SIK2: variants seen among roughly 807,000 people sequenced by gnomAD.
SIK2 encodes the protein serine/threonine-protein kinase SIK2.
In SIK2, 29 loss-of-function variants were observed where a neutral mutation model predicts 103.2. The ratio of observed to expected loss-of-function variants is 0.28; its 90% CI spans 0.21 to 0.38. SIK2 has a LOEUF of 0.38. SIK2 is among the 10% of genes least tolerant of loss of function. SIK2 has a pLI of 1.00. For missense variants in SIK2, 879 were observed against 1,171.0 expected (o/e 0.75, Z 3.64); for synonymous variants, 412 against 446.1 (o/e 0.92, Z 0.96).
chr11:111,679,590 G>A (rs763546003), intron 3 of SIK2, among the ~76,000 whole-genome samples: 19 of 152,070 alleles, frequency 1.2e-4, no homozygotes, highest in Admixed American at 2.0e-4. Context: ...ATTATAAATA[G>A]TATTATAACC....
Position 111,724,407 on chromosome 11 carries a change from C to A in SIK2, c.*278C>A. On this transcript the variant is annotated 3_prime_UTR_variant, in exon 15 of 15. Coordinates refer to ENST00000304987, the MANE Select transcript of SIK2 (RefSeq NM_015191.3). ...AGCAAGCTCTCGAGGGCAGCACTGA[C>A]AAATGTGTTCCTAAGAAGACATTCA... 2.2e-6 allele frequency: 1 copy of A among 457,506 alleles called. No individual in the cohort carries two copies. 28.3% of individuals were successfully genotyped at this position (457,506 alleles called of 1,614,324 possible).
intron 1 of SIK2, among the ~76,000 whole-genome samples, chr11:111,603,612 C>T (rs1941612642): frequency 1.3e-5 from 2 of 152,182 alleles, no homozygotes; most frequent in African/African-American, 4.8e-5. Flanking sequence ...GCCCCCCTTC[C>T]TTCCACTGCC....
chr11:111,634,681 A>G (rs1942082395), intron 3 of SIK2, among the ~76,000 whole-genome samples: 1 of 152,064 alleles, frequency 6.6e-6, no homozygotes, highest in Non-Finnish European at 1.5e-5. Flanking sequence ...GATTCTTGTC[A>G]TTTTTCTGCT....
intron 4 of SIK2, among the ~76,000 whole-genome samples, chr11:111,698,144 A>C (rs1222495440): frequency 3.3e-5 from 5 of 152,234 alleles, no homozygotes; most frequent in Non-Finnish European, 5.9e-5. Context: ...CCAAGTTTCT[A>C]TATTCATATT....
chr11:111,634,907 G>A (rs953508655), intron 3 of SIK2, among the ~76,000 whole-genome samples: 1 of 152,172 alleles, frequency 6.6e-6, no homozygotes, highest in African/African-American at 2.4e-5. Flanking sequence ...ATATTAAATT[G>A]GTGTGTACTT....
intron 1 of SIK2, among the ~76,000 whole-genome samples, chr11:111,605,044 C>A (rs1941631764): frequency 6.6e-6 from 1 of 150,842 alleles, no homozygotes; most frequent in Admixed American, 6.6e-5. Context: ...CTCACTGCAA[C>A]CTCTGCCTCC....
intron 3 of SIK2, among the ~76,000 whole-genome samples, chr11:111,635,578 G>A (rs1398088346): frequency 1.3e-5 from 2 of 152,286 alleles, no homozygotes; most frequent in East Asian, 1.9e-4. Flanking sequence ...TCTGTAAATC[G>A]AAGGAAATAA....
chr11:111,689,882 C>G (rs1942904073), intron 4 of SIK2, among the ~76,000 whole-genome samples: 1 of 151,652 alleles, frequency 6.6e-6, no homozygotes, highest in African/African-American at 2.4e-5. Flanking sequence ...AATGGATTTT[C>G]CATTCTATAG....
intron 3 of SIK2, among the ~76,000 whole-genome samples, chr11:111,657,835 T>G (rs933799195): frequency 1.3e-5 from 2 of 151,976 alleles, no homozygotes; most frequent in Admixed American, 1.3e-4. Context: ...GCAGTTCAGG[T>G]TGGCTAGAGC....
At chr11:111,691,526 C>T (rs950630790) in intron 4 of SIK2, among the ~76,000 whole-genome samples, 1 of 152,158 alleles carries the variant, frequency 6.6e-6, no homozygotes, top group Admixed American at 6.6e-5. Context: ...CAGTATCTGT[C>T]CTTCTCCCAC....
intron 3 of SIK2, among the ~76,000 whole-genome samples, chr11:111,627,006 G>A (rs1344822764): frequency 6.6e-6 from 1 of 152,152 alleles, no homozygotes; most frequent in African/African-American, 2.4e-5. Flanking sequence ...CCCAAGAAGG[G>A]TAAGGATAAG....
At chr11:111,681,272 C>T (rs888228403) in intron 3 of SIK2, among the ~76,000 whole-genome samples, 2 of 152,116 alleles carry the variant, frequency 1.3e-5, no homozygotes, top group African/African-American at 4.8e-5. Flanking sequence ...ATCTATGTAT[C>T]ATTTTTATTA....
intron 3 of SIK2, among the ~76,000 whole-genome samples, chr11:111,652,097 T>G (rs2135864357): frequency 6.6e-6 from 1 of 152,318 alleles, no homozygotes; most frequent in Middle Eastern, 3.4e-3. Context: ...TCAAAATTAT[T>G]GAGTATCCGC....
At position 111,730,462 on chromosome 11, in the gene SIK2, ATC is replaced by A. The variant is rs1944150099; in HGVS notation, c.*6335_*6336del. On this transcript the variant is annotated 3_prime_UTR_variant, in exon 15 of 15. Transcript: ENST00000304987. ...TGAGAAATAAAAGGGATACAGAGAT[ATC>A]TGCACTTTGTAGAAAGGGCAAGATT... 2.0e-5 allele frequency: 3 copies of A among 152,378 alleles called. No individual in the cohort carries two copies. In the South Asian group the frequency reaches 6.2e-4, roughly 32 times the overall value. The allele number at this position is 152,378 out of a possible 1,614,324, so 9.4% of individuals were successfully genotyped here. A position where few individuals can be genotyped will look rare whatever the true frequency, so the allele number is the denominator to read the frequency against.
At chr11:111,719,475 A>G (rs1241396120) in intron 9 of SIK2, among the ~76,000 whole-genome samples, 2 of 151,292 alleles carry the variant, frequency 1.3e-5, no homozygotes, top group Non-Finnish European at 1.5e-5. Context: ...CCTCAAACTA[A>G]TATACCCCTG....
intron 3 of SIK2, among the ~76,000 whole-genome samples, chr11:111,629,888 G>C (rs1942014688): frequency 6.6e-6 from 1 of 152,180 alleles, no homozygotes; most frequent in Admixed American, 6.5e-5. Flanking sequence ...GGTACAACCA[G>C]TTGGGAGAAC....
chr11:111,714,404 A>T (rs1218493764), intron 9 of SIK2, among the ~76,000 whole-genome samples: 1 of 152,208 alleles, frequency 6.6e-6, no homozygotes, highest in Non-Finnish European at 1.5e-5. Flanking sequence ...ACTGCTGAAG[A>T]TATTTGAGCA....
intron 3 of SIK2, among the ~76,000 whole-genome samples, chr11:111,628,249 C>G (rs1322798417): frequency 6.6e-6 from 1 of 152,220 alleles, no homozygotes; most frequent in East Asian, 1.9e-4. Flanking sequence ...GTTTGTGTCT[C>G]TTGGGCTTAT....
chr11:111,711,348 C>T (rs918602693), intron 8 of SIK2, among the ~76,000 whole-genome samples: 1 of 152,122 alleles, frequency 6.6e-6, no homozygotes, highest in South Asian at 2.1e-4. Context: ...GTCTCGATCT[C>T]CTGATCTCAT....
Sources: allele counts gnomAD v4.1 joint callset (sites outside exome capture counted in the v4.1 genomes callset), GRCh38; gene constraint gnomAD v4.1.1; transcripts MANE v1.5; gene names NCBI Gene and HGNC (gene_info 2026-07-23, HGNC 2026-07-21).